Variants in LANCL3 observed in about 807,000 individuals in gnomAD.
LANCL3 encodes the protein LanC like family member 3, also known as lanC-like protein 3.
LANCL3 carries 19 observed loss-of-function variants against 26.5 expected under a neutral mutation model. The observed-to-expected ratio is 0.72, with a 90% confidence interval of 0.50 to 1.05. LANCL3 has a LOEUF of 1.05. LANCL3 is among the 50% of genes least tolerant of loss of function. LANCL3 has a pLI of 0.00. For synonymous variants in LANCL3, 160 were observed against 166.6 expected (o/e 0.96, Z 0.30); for missense variants, 318 against 362.7 (o/e 0.88, Z 1.00).
In LANCL3 at chrX:37,676,846, G is replaced by T. The variant is rs1926820943; in HGVS notation, c.*1033G>T. On this transcript the variant is annotated 3_prime_UTR_variant, in exon 5 of 5. Coordinates refer to ENST00000378619, the MANE Select transcript of LANCL3 (RefSeq NM_001170331.2). ...AAGAGATGAGTGAATTCTGTGGTTG[G>T]TTACCTTACCTTCCAAGATACAGGG... 1 of 111,387 alleles carries T rather than the reference G, an allele frequency of 9.0e-6. No homozygotes were observed. Among genetic ancestry groups the T allele is most frequent in the African/African-American group, 3.3e-5 (1 of 30,635 alleles). The allele number at this position is 111,387 out of a possible 1,213,427, so 9.2% of individuals were successfully genotyped here.
intron 1 of LANCL3, among the ~76,000 whole-genome samples, chrX:37,630,629 A>G (rs1436103621): frequency 7.2e-4 from 79 of 110,169 alleles, no homozygotes; most frequent in African/African-American, 2.5e-3. Context: ...CGTCCCATCA[A>G]TACCTAATTT....
At chrX:37,658,902 A>T (rs1184942006) in intron 2 of LANCL3, among the ~76,000 whole-genome samples, 1 of 112,652 alleles carries the variant, frequency 8.9e-6, no homozygotes, top group East Asian at 2.8e-4. Flanking sequence ...TTGTGCAGTG[A>T]TCTATCCTCT....
chrX:37,612,173 C>T (rs1924893830), intron 1 of LANCL3, among the ~76,000 whole-genome samples: 1 of 111,492 alleles, frequency 9.0e-6, no homozygotes, highest in South Asian at 3.8e-4. Flanking sequence ...AACTCCTGAC[C>T]TCAGGTGATC....
rs963438786 is a variant in LANCL3 at position 37,676,097 on chromosome X, G to A, written c.*284G>A. The stretch of plus-strand genomic sequence containing the variant: ...GGAAAGAGAAATGATCTGTTTTTCA[G>A]TTATGACATAGAAAACCAAACTGCA... On this transcript the variant is annotated 3_prime_UTR_variant, in exon 5 of 5. Coordinates refer to ENST00000378619, the MANE Select transcript of LANCL3 (RefSeq NM_001170331.2). 3 of 184,792 alleles carry A rather than the reference G, an allele frequency of 1.6e-5. No individual in the cohort carries two copies. Among genetic ancestry groups the A allele is most frequent in the Non-Finnish European group, 3.0e-5 (3 of 100,205 alleles). 15.2% of individuals were successfully genotyped at this position (184,792 alleles called of 1,213,427 possible). A position where few individuals can be genotyped will look rare whatever the true frequency, so the allele number is the denominator to read the frequency against.
chrX:37,632,052 G>C (rs1421789361), intron 1 of LANCL3, among the ~76,000 whole-genome samples: 1 of 111,007 alleles, frequency 9.0e-6, no homozygotes, highest in Non-Finnish European at 1.9e-5. Context: ...TGACAGTGGG[G>C]TGTTAAAGTC....
chrX:37,658,235 A>G (rs1362330668), intron 2 of LANCL3, among the ~76,000 whole-genome samples: 1 of 112,079 alleles, frequency 8.9e-6, no homozygotes, highest in Non-Finnish European at 1.9e-5. Context: ...TAGTCCTTGT[A>G]GTAGTCATGG....
Position 37,655,900 on chromosome X carries a change from T to C in LANCL3, c.697+89T>C. 11 of 874,882 alleles carry C rather than the reference T, an allele frequency of 1.3e-5. No individual in the cohort carries two copies. In the South Asian group the frequency reaches 2.0e-4, roughly 16 times the overall value. 72.1% of individuals were successfully genotyped at this position (874,882 alleles called of 1,213,427 possible). A position where few individuals can be genotyped will look rare whatever the true frequency, so the allele number is the denominator to read the frequency against. On this transcript the variant is annotated intron_variant, in intron 2 of 4. Coordinates refer to ENST00000378619, the MANE Select transcript of LANCL3 (RefSeq NM_001170331.2). Reference sequence around the variant, plus strand: ...AGGCTGGAAGATTTTGTTTTTGCCATAGGTCATTACTAGTCATTTAATAAG... The same window carrying C: ...AGGCTGGAAGATTTTGTTTTTGCCACAGGTCATTACTAGTCATTTAATAAG...
rs1257921381 is a variant in LANCL3, at chrX:37,573,285, A to T, written c.573+842A>T. On this transcript the variant is annotated intron_variant, in intron 1 of 4. Coordinates refer to ENST00000378619, the MANE Select transcript of LANCL3 (RefSeq NM_001170331.2). Reference sequence around the variant, plus strand: ...AGGAAAAAGAACAAAACTCTGAAGGATCATAGTGACTAGAACGGAGAGAGA... The same window carrying T: ...AGGAAAAAGAACAAAACTCTGAAGGTTCATAGTGACTAGAACGGAGAGAGA... Among the ~76,000 whole-genome samples, 3 of 112,314 alleles carry T rather than the reference A, an allele frequency of 2.7e-5. No homozygotes were observed. In the East Asian group the frequency reaches 8.3e-4, roughly 31 times the overall value.
intron 1 of LANCL3, among the ~76,000 whole-genome samples, chrX:37,644,046 G>A (rs781795894): frequency 6.3e-5 from 7 of 111,732 alleles, no homozygotes; most frequent in Non-Finnish European, 1.1e-4. Context: ...TTGGAACTCA[G>A]GTGTATCTTA....
intron 1 of LANCL3, among the ~76,000 whole-genome samples, chrX:37,598,362 A>G (rs1924493557): frequency 8.9e-6 from 1 of 111,773 alleles, no homozygotes; most frequent in Admixed American, 9.5e-5. Context: ...GACAAATTAA[A>G]TCTGAATCTC....
intron 3 of LANCL3, among the ~76,000 whole-genome samples, chrX:37,664,662 T>C (rs1926501778): frequency 9.0e-6 from 1 of 111,660 alleles, no homozygotes; most frequent in Non-Finnish European, 1.9e-5. Context: ...GATTTTGTCA[T>C]GCAGGTAGTG....
intron 1 of LANCL3, among the ~76,000 whole-genome samples, chrX:37,617,124 G>T (rs984038425): frequency 9.2e-6 from 1 of 109,268 alleles, no homozygotes; most frequent in South Asian, 4.1e-4. Flanking sequence ...AAGTGGGTGG[G>T]GGGGAGGGAG....
chrX:37,633,449 C>T (rs1017654629), intron 1 of LANCL3, among the ~76,000 whole-genome samples: 14 of 111,984 alleles, frequency 1.3e-4, no homozygotes, highest in African/African-American at 4.6e-4. Context: ...ATTCTCCATC[C>T]AGCTTTGTTC....
In LANCL3 at chrX:37,678,215, A is replaced by G. The variant is rs782659278; in HGVS notation, c.*2402A>G. 8.9e-6 allele frequency: 1 copy of G among 111,892 alleles called. No homozygotes were observed. The highest frequency in any genetic ancestry group is 3.2e-5 in the African/African-American group (1 of 30,890). The allele number at this position is 111,892 out of a possible 1,213,427, so 9.2% of individuals were successfully genotyped here. A position where few individuals can be genotyped will look rare whatever the true frequency, so the allele number is the denominator to read the frequency against. On this transcript the variant is annotated 3_prime_UTR_variant, in exon 5 of 5. Coordinates refer to ENST00000378619, the MANE Select transcript of LANCL3 (RefSeq NM_001170331.2). ...TTGATGAAACTTTTCATTTTCCTGA[A>G]AGAATTATAGATTTTGGAAGGTCCT... is the stretch of plus-strand genomic sequence containing the variant.
intron 1 of LANCL3, among the ~76,000 whole-genome samples, chrX:37,653,073 G>A (rs868977555): frequency 6.3e-5 from 7 of 111,104 alleles, no homozygotes; most frequent in Non-Finnish European, 1.3e-4. Flanking sequence ...AACAAGCGCC[G>A]GTTTCTCTTT....
chrX:37,669,992 A>G (rs1293564488), intron 4 of LANCL3, among the ~76,000 whole-genome samples: 1 of 112,413 alleles, frequency 8.9e-6, no homozygotes, highest in Admixed American at 9.4e-5. Context: ...TAAAATGGCT[A>G]TATAGTTATT....
intron 1 of LANCL3, among the ~76,000 whole-genome samples, chrX:37,584,866 C>G (rs1173728104): frequency 1.8e-5 from 2 of 111,617 alleles, no homozygotes; most frequent in African/African-American, 3.3e-5. Context: ...TCTTGCTTCT[C>G]TAGTTCTTTT....
At chrX:37,653,519 A>C (rs1335524128) in intron 1 of LANCL3, among the ~76,000 whole-genome samples, 1 of 112,484 alleles carries the variant, frequency 8.9e-6, no homozygotes, top group Non-Finnish European at 1.9e-5. Context: ...ATGGGATTCA[A>C]TCAGGATAGA....
intron 1 of LANCL3, among the ~76,000 whole-genome samples, chrX:37,579,634 C>T (rs1923844732): frequency 1.8e-5 from 2 of 111,540 alleles, no homozygotes; most frequent in African/African-American, 3.3e-5. Context: ...GTAACTGAAA[C>T]CACAGAAAGC....
Sources: allele counts gnomAD v4.1 joint callset (sites outside exome capture counted in the v4.1 genomes callset), GRCh38; gene constraint gnomAD v4.1.1; transcripts MANE v1.5; gene names NCBI Gene and HGNC (gene_info 2026-07-23, HGNC 2026-07-21).